Variants in SLC35F3 observed in about 807,000 individuals in gnomAD.
SLC35F3 encodes putative thiamine transporter SLC35F3.
A neutral mutation model predicts 49.9 loss-of-function variants in SLC35F3; 25 were observed. That is an observed-to-expected ratio of 0.50 (90% CI 0.37 to 0.70). SLC35F3 has a LOEUF of 0.70. Among genes scored for constraint, SLC35F3 ranks in the 30% least tolerant of loss-of-function variants. The pLI, the probability that SLC35F3 is intolerant of heterozygous loss-of-function variation, is 0.00. For missense variants in SLC35F3, 525 were observed against 639.8 expected, an observed-to-expected ratio of 0.82 and a Z score of 1.94; for synonymous variants, 275 against 265.4, an observed-to-expected ratio of 1.04 and a Z score of -0.35.
chr1:233,905,241 G>A (rs1200281241), intron 1 of SLC35F3, 111 bp downstream of exon 1: 2 of 1,209,948 alleles, frequency 1.7e-6, no homozygotes, highest in Non-Finnish European at 2.3e-6. Context: ...GGGAAGGGCG[G>A]CGCGCGCGGT....
intron 3 of SLC35F3, among the ~76,000 whole-genome samples, chr1:234,270,623 A>G (rs558790669): frequency 2.0e-5 from 3 of 152,348 alleles, no homozygotes; most frequent in Admixed American, 6.5e-5. Flanking sequence ...GTAATTGCCT[A>G]CAAAGCTCAT....
intron 2 of SLC35F3, among the ~76,000 whole-genome samples, chr1:234,077,052 C>T (rs2102870764): frequency 7.0e-6 from 1 of 142,390 alleles, no homozygotes; most frequent in African/African-American, 2.7e-5. Context: ...GGCCGGACTG[C>T]GGACTGCAGT....
chr1:234,024,810 T>C (rs189725996), intron 2 of SLC35F3, among the ~76,000 whole-genome samples: 14 of 152,346 alleles, frequency 9.2e-5, no homozygotes, highest in Admixed American at 3.3e-4. Flanking sequence ...GGATTTAGTT[T>C]CTTTTTTTCT....
chr1:234,103,434 A>C (rs961953467), intron 2 of SLC35F3, among the ~76,000 whole-genome samples: 1 of 152,154 alleles, frequency 6.6e-6, no homozygotes, highest in African/African-American at 2.4e-5. Flanking sequence ...CAGGCTGTGC[A>C]TGAGCAAGCG....
chr1:233,932,044 C>T (rs1272658703), intron 2 of SLC35F3, among the ~76,000 whole-genome samples: 1 of 151,968 alleles, frequency 6.6e-6, no homozygotes, highest in Non-Finnish European at 1.5e-5. Context: ...ATCACAAGAG[C>T]AGAAAACCAA....
intron 3 of SLC35F3, among the ~76,000 whole-genome samples, chr1:234,250,654 A>G (rs1264283049): frequency 1.7e-5 from 1 of 57,840 alleles, no homozygotes; most frequent in Non-Finnish European, 3.8e-5. Flanking sequence ...ACTCCGTCTC[A>G]AAAAAAAAAA....
intron 6 of SLC35F3, among the ~76,000 whole-genome samples, chr1:234,319,706 T>TCAAAACAAAACAAAACAAAACAAAA (rs59381769): frequency 2.6e-5 from 4 of 151,420 alleles, no homozygotes; most frequent in Non-Finnish European, 4.4e-5. Flanking sequence ...AGACTGTGCC[T>TCAAAACAAAACAAAACAAAACAAAA]CAAAACAAAA....
chr1:234,061,637 A>AT (rs1183135790), intron 2 of SLC35F3, among the ~76,000 whole-genome samples: 1 of 151,750 alleles, frequency 6.6e-6, no homozygotes, highest in Non-Finnish European at 1.5e-5. Flanking sequence ...GTCTCTGCTA[A>AT]TTTTTTTTAT....
intron 2 of SLC35F3, among the ~76,000 whole-genome samples, chr1:233,911,500 A>G (rs1661872654): frequency 6.6e-6 from 1 of 152,174 alleles, no homozygotes; most frequent in African/African-American, 2.4e-5. Context: ...TAAATATGCT[A>G]ACAATTTAGT....
At chr1:234,141,727 G>A (rs951394378) in intron 2 of SLC35F3, among the ~76,000 whole-genome samples, 11 of 152,030 alleles carry the variant, frequency 7.2e-5, no homozygotes, top group Admixed American at 2.0e-4. Context: ...TCTGCCCATC[G>A]GACCACTTGC....
chr1:234,313,910 C>T (rs1368183427), intron 4 of SLC35F3, among the ~76,000 whole-genome samples: 1 of 152,190 alleles, frequency 6.6e-6, no homozygotes, highest in East Asian at 1.9e-4. Flanking sequence ...ACAGGAATTC[C>T]AGGCATCAGG....
chr1:234,150,583 C>T (rs185265222), intron 2 of SLC35F3, among the ~76,000 whole-genome samples: 2 of 152,294 alleles, frequency 1.3e-5, no homozygotes, highest in South Asian at 4.1e-4. Flanking sequence ...ATAAGCTCAT[C>T]AAAATAGATC....
intron 2 of SLC35F3, among the ~76,000 whole-genome samples, chr1:234,207,390 C>T (rs1431632961): frequency 7.1e-6 from 1 of 141,038 alleles, no homozygotes; most frequent in East Asian, 2.1e-4. Context: ...TTCCTTCCAT[C>T]CTTCCTTCCT....
At chr1:233,925,379 A>G (rs1353736467) in intron 2 of SLC35F3, among the ~76,000 whole-genome samples, 1 of 152,062 alleles carries the variant, frequency 6.6e-6, no homozygotes, top group Non-Finnish European at 1.5e-5. Context: ...TCCCTTTACC[A>G]TTATGTAATG....
At chr1:234,264,039 G>A (rs534614439) in intron 3 of SLC35F3, among the ~76,000 whole-genome samples, 182 of 152,284 alleles carry the variant, frequency 1.2e-3, no homozygotes, top group African/African-American at 4.0e-3. Context: ...AACCCAGGAG[G>A]CAGAGGTTGC....
chr1:234,137,587 C>G (rs777586083), intron 2 of SLC35F3, among the ~76,000 whole-genome samples: 4 of 152,128 alleles, frequency 2.6e-5, no homozygotes, highest in African/African-American at 7.2e-5. Context: ...GAGAGAGAGA[C>G]ACAGCTTGAG....
chr1:233,922,418 C>T (rs1662078440), intron 2 of SLC35F3, among the ~76,000 whole-genome samples: 2 of 147,716 alleles, frequency 1.4e-5, no homozygotes, highest in South Asian at 4.3e-4. Context: ...TTTCATGTGT[C>T]TTTTGGCTGC....
intron 2 of SLC35F3, among the ~76,000 whole-genome samples, chr1:233,943,601 G>A (rs945435260): frequency 3.3e-5 from 5 of 152,092 alleles, no homozygotes; most frequent in East Asian, 1.9e-4. Context: ...AAAATATTTC[G>A]GTCTAGAACA....
intron 2 of SLC35F3, among the ~76,000 whole-genome samples, chr1:234,045,711 GT>G (rs200387902): frequency 0.02 from 2,934 of 144,080 alleles, 128 homozygotes; most frequent in East Asian, 0.18. Flanking sequence ...TCATTTTAAG[GT>G]TTTTTTTTTT....
Sources: allele counts gnomAD v4.1 joint callset (sites outside exome capture counted in the v4.1 genomes callset), GRCh38; gene constraint gnomAD v4.1.1; transcripts MANE v1.5; gene names NCBI Gene and HGNC (gene_info 2026-07-23, HGNC 2026-07-21).